CUBN: variants seen among roughly 807,000 people sequenced by gnomAD.
The protein encoded by CUBN is 460 kDa receptor.
In CUBN, 282 loss-of-function variants were observed where a neutral mutation model predicts 405.3. The observed-to-expected ratio is 0.70, with a 90% CI of 0.63 to 0.77. The LOEUF (loss-of-function observed/expected upper bound fraction) is 0.77. Among genes scored for constraint, CUBN ranks in the 30% least tolerant of loss-of-function variants. The pLI, the probability that CUBN is intolerant of heterozygous loss-of-function variation, is 0.00. For synonymous variants in CUBN, 1,684 were observed against 1,617.0 expected (o/e 1.04, Z -0.99); for missense variants, 4,514 against 4,475.2 (o/e 1.01, Z -0.25).
chr10:16,871,488 T>C (rs1840352532), intron 58 of CUBN, among the ~76,000 whole-genome samples: 1 of 151,064 alleles, frequency 6.6e-6, no homozygotes, highest in South Asian at 2.1e-4. Context: ...AAATTGTTGG[T>C]TTTTTTTCTA....
intron 15 of CUBN, among the ~76,000 whole-genome samples, chr10:17,087,466 C>CTTT (rs879308596): frequency 4.5e-4 from 36 of 79,784 alleles, no homozygotes; most frequent in East Asian, 7.6e-4. Context: ...TATTATTTTT[C>CTTT]TTTTTCTTTT....
intron 53 of CUBN, among the ~76,000 whole-genome samples, chr10:16,899,795 G>C (rs946093709): frequency 6.6e-6 from 1 of 152,176 alleles, no homozygotes; most frequent in Non-Finnish European, 1.5e-5. Flanking sequence ...GGAAATCAGG[G>C]ATTCACCTAA....
chr10:16,905,739 G>A (rs770554696), intron 50 of CUBN, among the ~76,000 whole-genome samples: 13 of 152,122 alleles, frequency 8.5e-5, no homozygotes, highest in Non-Finnish European at 1.9e-4. Flanking sequence ...TTATGGCTTC[G>A]AACAGAGTTC....
At chr10:17,128,595 G>A (rs143799011) in intron 2 of CUBN, among the ~76,000 whole-genome samples, 57 of 152,178 alleles carry the variant, frequency 3.7e-4, no homozygotes, top group East Asian at 2.1e-3. Flanking sequence ...TCCACCCTCC[G>A]TGCCTTCTCT....
chr10:17,039,218 A>C (rs1029633657), intron 27 of CUBN, among the ~76,000 whole-genome samples: 2 of 152,178 alleles, frequency 1.3e-5, no homozygotes, highest in Non-Finnish European at 2.9e-5. Flanking sequence ...CGGCAAGATC[A>C]TGAGTCCTAT....
chr10:16,936,537 A>C (rs1386508179), intron 39 of CUBN, among the ~76,000 whole-genome samples: 1 of 152,182 alleles, frequency 6.6e-6, no homozygotes, highest in East Asian at 1.9e-4. Flanking sequence ...CAAATAGGCT[A>C]ATCTTTTAAG....
intron 29 of CUBN, among the ~76,000 whole-genome samples, chr10:16,988,243 G>A (rs1239969442): frequency 6.6e-6 from 1 of 152,206 alleles, no homozygotes; most frequent in Non-Finnish European, 1.5e-5. Flanking sequence ...ACATAGCTGT[G>A]GAAGATCCAC....
At chr10:16,906,088 C>A in intron 50 of CUBN, 115 bp downstream of exon 50, 1 of 848,990 alleles carries the variant, frequency 1.2e-6, no homozygotes. Flanking sequence ...CACTCCAGTC[C>A]GGGCAAGAGA....
chr10:16,841,142 A>T lies in CUBN; in HGVS notation c.9664-95T>A, dbSNP rs1025869715. On this transcript the variant is annotated intron_variant, in intron 60 of 66. Coordinates refer to ENST00000377833, the MANE Select transcript of CUBN (RefSeq NM_001081.4). ...CGCGAAGTTGCAATAGGTCACGGTA[A>T]ACATTTTTACATTGATTTTCTTAGA... The T allele has an allele frequency of 3.0e-6, 3 of 1,011,978 alleles. No individual in the cohort carries two copies. The African/African-American group carries it at 4.8e-5, about 16-fold the overall frequency. 62.7% of individuals were successfully genotyped at this position (1,011,978 alleles called of 1,614,324 possible). A position where few individuals can be genotyped will look rare whatever the true frequency, so the allele number is the denominator to read the frequency against.
rs564429505 is a variant in CUBN at position 16,825,001 on chromosome 10, C to A, written c.10846G>T (p.Ala3616Ser). The A allele has an allele frequency of 1.2e-6, 2 of 1,613,422 alleles. No homozygotes were observed. Among genetic ancestry groups the A allele is most frequent in the East Asian group, 2.2e-5 (1 of 44,864 alleles). Residue 3616 changes from alanine (A) to serine (S), a missense_variant, in exon 67 of 67, where the codon GCA becomes TCA. Transcript: ENST00000377833. ...FHADYARRPS[A>S]FRLTWDS ...TAGCTGTCCCAAGTTAATCGGAATG[C>A]GGATGGACGCCGTGCATAATCAGCA...
intron 22 of CUBN, among the ~76,000 whole-genome samples, chr10:17,063,169 G>A (rs541540140): frequency 1.3e-5 from 2 of 152,284 alleles, no homozygotes; most frequent in Non-Finnish European, 2.9e-5. Context: ...GATCTCTCAG[G>A]TCTTGATCTA....
intron 28 of CUBN, among the ~76,000 whole-genome samples, chr10:17,016,363 G>T (rs1251466050): frequency 6.6e-6 from 1 of 152,154 alleles, no homozygotes; most frequent in African/African-American, 2.4e-5. Context: ...GACCAGTAGA[G>T]AATTTGTCCC....
intron 6 of CUBN, among the ~76,000 whole-genome samples, chr10:17,119,755 G>A (rs1320823447): frequency 6.6e-6 from 1 of 152,186 alleles, no homozygotes; most frequent in Non-Finnish European, 1.5e-5. Flanking sequence ...GTGGCGAAAT[G>A]TAATTGTGTT....
intron 31 of CUBN, among the ~76,000 whole-genome samples, chr10:16,962,511 A>G (rs1378738832): frequency 2.0e-5 from 3 of 152,104 alleles, no homozygotes; most frequent in Non-Finnish European, 2.9e-5. Context: ...CCTGGTATTC[A>G]TGCCTCTGTG....
intron 55 of CUBN, 111 bp downstream of exon 55, chr10:16,890,260 C>A (rs919123051): frequency 4.1e-6 from 4 of 984,976 alleles, no homozygotes; most frequent in Non-Finnish European, 6.5e-6. Context: ...CTCATCCTCC[C>A]CGTAGACCCC....
At chr10:16,881,073 G>T (rs1327840156) in intron 56 of CUBN, among the ~76,000 whole-genome samples, 2 of 152,180 alleles carry the variant, frequency 1.3e-5, no homozygotes, top group African/African-American at 2.4e-5. Flanking sequence ...AAAATTCAAA[G>T]TAGATGAGTT....
chr10:17,041,059 T>C lies in CUBN; in HGVS notation c.3991A>G (p.Ile1331Val). ...TCTAAATAATCTGTGGAGCAGTTTA[T>C]GTGATGTTCCAAGTCAAATGCTAAA... ...TFLAFDLEHH[I>V]NCSTDYLELY... The change falls in exon 27 of 67, where the codon ATA (isoleucine) becomes GTA (valine). Residue 1331 changes from isoleucine to valine, a missense_variant. Physicochemically the swap from Ile to Val is conservative, Grantham distance 29. Transcript: ENST00000377833. The C allele has an allele frequency of 1.2e-6, 2 of 1,613,820 alleles. No individual in the cohort carries two copies. The highest frequency in any genetic ancestry group is 1.7e-6 in the Non-Finnish European group (2 of 1,179,740).
At position 16,907,562 on chromosome 10, in the gene CUBN, C is replaced by A. The variant is rs1341076115; in HGVS notation, c.7651G>T (p.Gly2551Ter). The stretch of plus-strand genomic sequence containing the variant: ...GTGAAGCCGCCATATGGCCTGGATC[C>A]ATCCGTGAAAAAAATGACTTTCATT... ...NTMKVIFFTD[G>*]SRPYGGFTAS... The change falls in exon 49 of 67, where the codon GGA becomes TGA. Residue 2551 changes from glycine to a stop codon, truncating the protein, a stop_gained. Transcript: ENST00000377833. LOFTEE classifies it high-confidence loss of function. The A allele has an allele frequency of 6.2e-7, 1 of 1,613,922 alleles. No homozygotes were observed. The highest frequency in any genetic ancestry group is 1.3e-5 in the African/African-American group (1 of 74,900).
chr10:16,936,325 C>T (rs1397425848), intron 39 of CUBN, among the ~76,000 whole-genome samples: 1 of 152,134 alleles, frequency 6.6e-6, no homozygotes, highest in African/African-American at 2.4e-5. Context: ...CTCTAAATTG[C>T]ATTTGTCAGT....
Sources: gnomAD v4.1 joint callset for allele counts (sites outside exome capture counted in the v4.1 genomes callset) on GRCh38, gnomAD v4.1.1 for gene constraint, MANE v1.5 for transcripts, NCBI Gene and HGNC (gene_info 2026-07-23, HGNC 2026-07-21) for gene names.